ZNF805: variants seen among roughly 807,000 people sequenced by gnomAD.
ZNF805 encodes zinc finger protein 805.
ZNF805 carries 7 observed loss-of-function variants against 13.6 expected under a neutral mutation model. That is an observed-to-expected ratio of 0.51 (90% CI 0.29 to 0.97). ZNF805 has a LOEUF of 0.97. ZNF805 is among the 50% of genes least tolerant of loss of function. ZNF805 has a pLI of 0.08. For missense variants in ZNF805, 604 were observed against 771.0 expected (o/e 0.78, Z 2.57); for synonymous variants, 293 against 279.8 (o/e 1.05, Z -0.47).
intron 3 of ZNF805, among the ~76,000 whole-genome samples, chr19:57,250,062 G>T (rs915440652): frequency 6.6e-6 from 1 of 152,270 alleles, no homozygotes; most frequent in East Asian, 1.9e-4. Context: ...CCAAGTTTCC[G>T]TGAATGGTTC....
Position 57,254,373 on chromosome 19 carries a change from A to G in ZNF805, c.1554A>G (p.Lys518=), listed in dbSNP as rs2087673291. ...EKPYECIECG[K]TFCWSTNLIR... is the part of the protein sequence containing the mutation. ...CCTATGAATGCATCGAGTGTGGGAA[A>G]ACATTTTGCTGGAGCACAAACCTCA... Residue 518 remains lysine, a synonymous_variant, in exon 4 of 4, where the codon AAA becomes AAG. Coordinates refer to ENST00000414468, the MANE Select transcript of ZNF805 (RefSeq NM_001023563.4). The G allele has an allele frequency of 1.9e-6, 3 of 1,613,828 alleles. No homozygotes were observed. Among genetic ancestry groups the G allele is most frequent in the East Asian group, 2.2e-5 (1 of 44,800 alleles).
rs762809943 is a variant in ZNF805 at position 57,254,059 on chromosome 19, C to G, written c.1240C>G (p.Leu414Val). Reference protein sequence around the residue: ...CGKAFNHRSYLKRHQRIHTGE... With the variant: ...CGKAFNHRSYVKRHQRIHTGE... ...GAAGGCTTTCAACCACCGATCCTAC[C>G]TCAAAAGGCACCAGCGGATTCACAC... Residue 414 changes from leucine to valine, a missense_variant, in exon 4 of 4, where the codon CTC (leucine) becomes GTC (valine). This residue lies in a region of ZNF805 where 228 missense variants were observed against 352.8 expected (regional missense o/e 0.65). Transcript: ENST00000414468. 2 of 1,613,432 alleles carry G rather than the reference C, an allele frequency of 1.2e-6. No individual in the cohort carries two copies. Among genetic ancestry groups the G allele is most frequent in the Non-Finnish European group, 8.5e-7 (1 of 1,179,750 alleles).
rs2122844834 is a variant in ZNF805 at position 57,254,662 on chromosome 19, CGT to C, written c.1844_1845del (p.Arg615HisfsTer30). The C allele has an allele frequency of 1.2e-6, 2 of 1,613,682 alleles. No homozygotes were observed. Among genetic ancestry groups the C allele is most frequent in the South Asian group, 1.1e-5 (1 of 91,016 alleles). ...QEEASYMASD[R>X]TYQRETPQVS... ...GGAAGCATCTTACATGGCATCTGAT[CGT>C]ACATACCAAAGAGAAACCCCACAAG... On this transcript the variant is annotated frameshift_variant, in exon 4 of 4. Coordinates refer to ENST00000414468, the MANE Select transcript of ZNF805 (RefSeq NM_001023563.4). LOFTEE classifies it high-confidence loss of function.
Position 57,240,688 on chromosome 19 carries a change from C to T in ZNF805, c.-204C>T, listed in dbSNP as rs772366264. ...CGGTGTTCCGTGGCCGCCTCCCTGGCGGCGCTGGGGAAATGAGCAGGTAGG... is the reference window on the plus strand; with the variant it reads ...CGGTGTTCCGTGGCCGCCTCCCTGGTGGCGCTGGGGAAATGAGCAGGTAGG... On this transcript the variant is annotated 5_prime_UTR_variant, in exon 1 of 4. Transcript: ENST00000414468. 1 of 525,812 alleles carries T rather than the reference C, an allele frequency of 1.9e-6. No homozygotes were observed. The highest frequency in any genetic ancestry group is 2.0e-5 in the African/African-American group (1 of 50,600). 32.6% of individuals were successfully genotyped at this position (525,812 alleles called of 1,614,324 possible).
At position 57,262,223 on chromosome 19, in the gene ZNF805, T is replaced by TA. The variant is rs2087728840; in HGVS notation, c.*7523dup. The TA allele has an allele frequency of 6.0e-6, 1 of 167,014 alleles. No homozygotes were observed. The highest frequency in any genetic ancestry group is 2.4e-5 in the African/African-American group (1 of 41,434). The allele number at this position is 167,014 out of a possible 1,614,324, so 10.3% of individuals were successfully genotyped here. On this transcript the variant is annotated 3_prime_UTR_variant, in exon 4 of 4. Coordinates refer to ENST00000414468, the MANE Select transcript of ZNF805 (RefSeq NM_001023563.4). ...CTCTGTTCTCTTTTTCACAGTAACTTAAATGGAAAAATGCTGAGTTAGCTT... is the reference window on the plus strand; with the variant it reads ...CTCTGTTCTCTTTTTCACAGTAACTTAAAATGGAAAAATGCTGAGTTAGCTT...
chr19:57,246,191 C>T (rs1162114604), intron 2 of ZNF805, among the ~76,000 whole-genome samples: 5 of 152,150 alleles, frequency 3.3e-5, no homozygotes, highest in Non-Finnish European at 7.3e-5. Flanking sequence ...GTTTGTTTGT[C>T]TTGAGACAGA....
Position 57,259,696 on chromosome 19 carries a change from C to T in ZNF805, c.*4993C>T, listed in dbSNP as rs1381460370. Among the ~76,000 whole-genome samples the T allele has an allele frequency of 3.9e-5, 6 of 152,038 alleles. No individual in the cohort carries two copies. The highest frequency in any genetic ancestry group is 7.2e-5 in the African/African-American group (3 of 41,388). On this transcript the variant is annotated 3_prime_UTR_variant, in exon 4 of 4. Transcript: ENST00000414468. Reference sequence around the variant, plus strand: ...TAATTTTTTGTATTTTTAGTAGAGACGGGGTTTCACTGTGTTAGCCAGGAT... The same window carrying T: ...TAATTTTTTGTATTTTTAGTAGAGATGGGGTTTCACTGTGTTAGCCAGGAT...
chr19:57,249,786 G>T (rs1401536925), intron 3 of ZNF805, among the ~76,000 whole-genome samples: 2 of 150,810 alleles, frequency 1.3e-5, no homozygotes, highest in Non-Finnish European at 3.0e-5. Context: ...TTGACCTTCT[G>T]TGTCCCACAC....
intron 3 of ZNF805, among the ~76,000 whole-genome samples, chr19:57,250,452 G>A (rs1056884883): frequency 2.0e-5 from 3 of 152,082 alleles, no homozygotes; most frequent in Non-Finnish European, 4.4e-5. Flanking sequence ...GGCTGGTCTC[G>A]AACTCCCGAC....
At chr19:57,249,263 G>A (rs2087637349) in intron 3 of ZNF805, among the ~76,000 whole-genome samples, 1 of 152,110 alleles carries the variant, frequency 6.6e-6, no homozygotes, top group Non-Finnish European at 1.5e-5. Flanking sequence ...CATGGGAACT[G>A]GGCATTTGGC....
intron 3 of ZNF805, among the ~76,000 whole-genome samples, chr19:57,249,714 G>C (rs1416616291): frequency 1.3e-5 from 2 of 151,254 alleles, no homozygotes; most frequent in Non-Finnish European, 2.9e-5. Flanking sequence ...CAGACACTAA[G>C]AAGCAGTAGT....
Position 57,246,729 on chromosome 19 carries a change from T to G in ZNF805, c.158-1876T>G, listed in dbSNP as rs148134940. Among the ~76,000 whole-genome samples, 1,223 of 146,912 alleles carry G rather than the reference T, an allele frequency of 8.3e-3. 14 individuals are homozygous for G. Among genetic ancestry groups the G allele is most frequent in the African/African-American group, 0.029 (1,142 of 39,158 alleles). Reference sequence around the variant, plus strand: ...AGTTGGAGGTTGCAGTGAGCTGAGATCGCGCTACTGCACTCCAGCCTGATG... The same window carrying G: ...AGTTGGAGGTTGCAGTGAGCTGAGAGCGCGCTACTGCACTCCAGCCTGATG... On this transcript the variant is annotated intron_variant, in intron 2 of 3. Coordinates refer to ENST00000414468, the MANE Select transcript of ZNF805 (RefSeq NM_001023563.4).
At chr19:57,252,430 A>C (rs1000668149) in intron 3 of ZNF805, among the ~76,000 whole-genome samples, 3 of 152,216 alleles carry the variant, frequency 2.0e-5, no homozygotes, top group East Asian at 1.9e-4. Flanking sequence ...ATTACAGACA[A>C]AGCATACAAA....
rs1600001402 is a variant in ZNF805, at chr19:57,259,043, A to G, written c.*4340A>G. ...GTTGCCATTTGAACCATTGTTCCCT[A>G]GTTCATAATGTGCCATTTTTATCAA... is the stretch of plus-strand genomic sequence containing the variant. On this transcript the variant is annotated 3_prime_UTR_variant, in exon 4 of 4. Coordinates refer to ENST00000414468, the MANE Select transcript of ZNF805 (RefSeq NM_001023563.4). 6.6e-6 allele frequency among the ~76,000 whole-genome samples: 1 copy of G among 152,106 alleles called. No homozygotes were observed. The highest frequency in any genetic ancestry group is 1.9e-4 in the East Asian group (1 of 5,192).
chr19:57,245,693 G>A (rs2087612557), intron 2 of ZNF805, among the ~76,000 whole-genome samples: 1 of 151,480 alleles, frequency 6.6e-6, no homozygotes, highest in Admixed American at 6.6e-5. Flanking sequence ...GCAGGAGAAT[G>A]GCGTGAACCC....
Position 57,254,536 on chromosome 19 carries a change from G to T in ZNF805, c.1717G>T (p.Gly573Ter). ...GRNPISVTDV[G>*]RPFTSGQTSV... ...AAATCCTATCAGTGTAACAGATGTG[G>T]GAAGACCTTTTACAAGTGGGCAGAC... is the stretch of plus-strand genomic sequence containing the variant. Residue 573 changes from glycine (G) to a stop codon, truncating the protein, a stop_gained, in exon 4 of 4, where the codon GGA becomes TGA. Coordinates refer to ENST00000414468, the MANE Select transcript of ZNF805 (RefSeq NM_001023563.4). LOFTEE classifies it low-confidence loss of function (END_TRUNC). 6.2e-7 allele frequency: 1 copy of T among 1,614,162 alleles called. No homozygotes were observed. The highest frequency in any genetic ancestry group is 1.1e-5 in the South Asian group (1 of 91,074).
At chr19:57,241,066 A>G (rs1414339301) in intron 1 of ZNF805, 145 bp downstream of exon 1, 2 of 899,912 alleles carry the variant, frequency 2.2e-6, no homozygotes, top group Admixed American at 4.7e-5. Flanking sequence ...CACTTAGTTT[A>G]TCTCCTGTCG....
At chr19:57,243,765 T>C (rs2087593944) in intron 1 of ZNF805, among the ~76,000 whole-genome samples, 158 bp from the exon 2 acceptor site, 1 of 152,258 alleles carries the variant, frequency 6.6e-6, no homozygotes, top group African/African-American at 2.4e-5. Context: ...TACAGTAATC[T>C]GTCCAAAGCA....
chr19:57,255,721 C>A lies in ZNF805; in HGVS notation c.*1018C>A, dbSNP rs1372120853. ...TGCAACCTTCCTAAACTCATTATTT[C>A]TTGCCATTTCTTTTGGGAGAATCCT... On this transcript the variant is annotated 3_prime_UTR_variant, in exon 4 of 4. Transcript: ENST00000414468. 6.6e-6 allele frequency among the ~76,000 whole-genome samples: 1 copy of A among 152,072 alleles called. No individual in the cohort carries two copies. Among genetic ancestry groups the A allele is most frequent in the Non-Finnish European group, 1.5e-5 (1 of 67,958 alleles).
Sources: allele counts gnomAD v4.1 joint callset (sites outside exome capture counted in the v4.1 genomes callset), GRCh38; gene constraint gnomAD v4.1.1; regional missense constraint gnomAD v4.1.1; transcripts MANE v1.5; gene names NCBI Gene and HGNC (gene_info 2026-07-23, HGNC 2026-07-21).